The following OR9Q1 variants were observed in gnomAD, a reference collection of about 807,000 sequenced individuals.
The protein encoded by OR9Q1 is olfactory receptor family 9 subfamily Q member 1.
For synonymous variants in OR9Q1, 153 were observed against 148.6 expected (o/e 1.03, Z -0.22); for missense variants, 374 against 378.8 (o/e 0.99, Z 0.11).
chr11:58,039,992 C>A (rs7128062), intron 1 of OR9Q1, among the ~76,000 whole-genome samples: 3 of 152,196 alleles, frequency 2.0e-5, no homozygotes, highest in Admixed American at 6.5e-5. Flanking sequence ...TTTATTAACA[C>A]CTCATTGATA....
At chr11:58,153,510 A>G (rs1030649926) in intron 2 of OR9Q1, among the ~76,000 whole-genome samples, 1 of 152,132 alleles carries the variant, frequency 6.6e-6, no homozygotes, top group South Asian at 2.1e-4. Flanking sequence ...TATAGGAGCA[A>G]TGACCTCTCA....
intron 1 of OR9Q1, chr11:58,026,800 C>T (rs912358407): frequency 1.3e-5 from 2 of 151,644 alleles, no homozygotes; most frequent in Non-Finnish European, 2.9e-5. Context: ...ATATATGATG[C>T]CGAAGTGAGT....
chr11:58,118,985 A>G lies in OR9Q1; in HGVS notation c.-14-60446A>G, dbSNP rs138877393. On this transcript the variant is annotated intron_variant, in intron 2 of 2. Coordinates refer to ENST00000335397, the MANE Select transcript of OR9Q1 (RefSeq NM_001005212.4). ...CAAGTGGTACGCAGGATGGCTCCTGACACCCCACAGACATAGGCTCCTACC... is the reference window on the plus strand; with the variant it reads ...CAAGTGGTACGCAGGATGGCTCCTGGCACCCCACAGACATAGGCTCCTACC... 4 of 1,613,882 alleles carry G rather than the reference A, an allele frequency of 2.5e-6. 1 individual carries two copies. The East Asian group carries it at 8.9e-5, about 36-fold the overall frequency.
At chr11:58,135,162 G>A (rs1854178156) in intron 2 of OR9Q1, among the ~76,000 whole-genome samples, 1 of 152,164 alleles carries the variant, frequency 6.6e-6, no homozygotes, top group Non-Finnish European at 1.5e-5. Flanking sequence ...AAGCATTCGG[G>A]CTCCTTGAGA....
chr11:58,044,283 A>G (rs1590552645), intron 1 of OR9Q1: 1 of 152,154 alleles, frequency 6.6e-6, no homozygotes, highest in African/African-American at 2.4e-5. Context: ...ATGGCTGGCC[A>G]CCCTCTGACC....
chr11:58,046,136 G>A (rs1853214078), intron 1 of OR9Q1, among the ~76,000 whole-genome samples: 1 of 152,222 alleles, frequency 6.6e-6, no homozygotes, highest in African/African-American at 2.4e-5. Context: ...GAGAAGATAA[G>A]TACCTGGGCT....
chr11:58,033,475 C>G (rs994027134), intron 1 of OR9Q1, among the ~76,000 whole-genome samples: 1 of 152,100 alleles, frequency 6.6e-6, no homozygotes, highest in Non-Finnish European at 1.5e-5. Context: ...TAGTGGGAGG[C>G]CATTATCCTA....
chr11:58,107,005 A>G (rs146405011), intron 2 of OR9Q1, among the ~76,000 whole-genome samples: 2 of 152,306 alleles, frequency 1.3e-5, no homozygotes, highest in African/African-American at 4.8e-5. Context: ...TCTCTAAGAA[A>G]TGCCATTGGG....
At chr11:58,117,721 T>C (rs1174632035) in intron 2 of OR9Q1, 2 of 151,972 alleles carry the variant, frequency 1.3e-5, no homozygotes, top group Non-Finnish European at 2.9e-5. Context: ...AGACACGCAA[T>C]AGGGTGAGGA....
chr11:58,160,438 TTTGTTGTTGTTGTTGTTG>T (rs138422584), intron 2 of OR9Q1, among the ~76,000 whole-genome samples: 5 of 150,088 alleles, frequency 3.3e-5, no homozygotes, highest in Non-Finnish European at 5.9e-5. Context: ...GAGTAGAATA[TTTGTTGTTGTTGTTGTTG>T]TTGTTGTTGT....
At chr11:58,164,231 G>A (rs192443861) in intron 2 of OR9Q1, among the ~76,000 whole-genome samples, 55 of 152,194 alleles carry the variant, frequency 3.6e-4, no homozygotes, top group Admixed American at 3.1e-3. Flanking sequence ...ATCCTTCCAC[G>A]TTCCTGTCTT....
chr11:58,092,292 C>CA (rs1230212005), intron 2 of OR9Q1, among the ~76,000 whole-genome samples: 2 of 150,810 alleles, frequency 1.3e-5, no homozygotes, highest in African/African-American at 4.9e-5. Context: ...TTCCTTTCCA[C>CA]ATTTAGTGCT....
intron 1 of OR9Q1, chr11:58,044,068 G>A (rs1023356227): frequency 4.6e-5 from 7 of 152,180 alleles, no homozygotes; most frequent in Non-Finnish European, 8.8e-5. Flanking sequence ...CCTACCATAT[G>A]GCAAATGTTA....
intron 2 of OR9Q1, among the ~76,000 whole-genome samples, chr11:58,076,130 G>T (rs148654838): frequency 4.4e-4 from 67 of 152,316 alleles, no homozygotes; most frequent in African/African-American, 1.4e-3. Flanking sequence ...GCCCTTTATG[G>T]AGAAAACTTT....
chr11:58,065,284 C>G (rs1853418250), intron 2 of OR9Q1, among the ~76,000 whole-genome samples: 1 of 152,174 alleles, frequency 6.6e-6, no homozygotes, highest in African/African-American at 2.4e-5. Flanking sequence ...CATACACAGG[C>G]AGACAGATGG....
At chr11:58,099,986 T>C (rs760806394) in intron 2 of OR9Q1, among the ~76,000 whole-genome samples, 1 of 152,200 alleles carries the variant, frequency 6.6e-6, no homozygotes, top group Non-Finnish European at 1.5e-5. Flanking sequence ...TATTGACTCG[T>C]AATATTTTGT....
chr11:58,148,861 CTGCGAAGT>C (rs1854324037), intron 2 of OR9Q1, among the ~76,000 whole-genome samples: 1 of 152,190 alleles, frequency 6.6e-6, no homozygotes, highest in African/African-American at 2.4e-5. Context: ...TGTAGCGGAT[CTGCGAAGT>C]TGCTTGTGGA....
intron 2 of OR9Q1, among the ~76,000 whole-genome samples, chr11:58,138,721 G>C (rs1366768955): frequency 6.6e-6 from 1 of 152,120 alleles, no homozygotes; most frequent in Non-Finnish European, 1.5e-5. Flanking sequence ...GTAAAATTTG[G>C]AATGATTGAA....
intron 2 of OR9Q1, chr11:58,144,491 T>TG (rs1854281279): frequency 6.6e-6 from 1 of 152,016 alleles, no homozygotes. Context: ...TGGCAGAGAG[T>TG]GGCACCACGG....
Sources: allele counts gnomAD v4.1 joint callset (sites outside exome capture counted in the v4.1 genomes callset), GRCh38; gene constraint gnomAD v4.1.1; transcripts MANE v1.5; gene names NCBI Gene and HGNC (gene_info 2026-07-23, HGNC 2026-07-21).